MET: variants seen among roughly 807,000 people sequenced by gnomAD.
MET encodes hepatocyte growth factor receptor.
In MET, 48 loss-of-function variants were observed where a neutral mutation model predicts 133.1. The ratio of observed to expected loss-of-function variants is 0.36; its 90% CI spans 0.29 to 0.46. The LOEUF (loss-of-function observed/expected upper bound fraction) is 0.46, where lower values mean the gene tolerates loss of function less well. Among genes scored for constraint, MET ranks in the 20% least tolerant of loss-of-function variants. MET has a pLI of 1.00. For synonymous variants in MET, 628 were observed against 616.5 expected (o/e 1.02, Z -0.28); for missense variants, 1,442 against 1,695.9 (o/e 0.85, Z 2.63).
intron 11 of MET, among the ~76,000 whole-genome samples, chr7:116,763,575 G>A (rs115208619): frequency 1.5e-4 from 23 of 152,194 alleles, no homozygotes; most frequent in African/African-American, 4.3e-4. Flanking sequence ...ACATTTCCCC[G>A]GACATGTTAC....
chr7:116,678,632 A>G (rs1264776318), intron 1 of MET, among the ~76,000 whole-genome samples: 1 of 152,236 alleles, frequency 6.6e-6, no homozygotes, highest in East Asian at 1.9e-4. Flanking sequence ...AGGCCTAATC[A>G]TGTGGGAAAG....
At chr7:116,787,403 T>C (rs1459925605) in intron 19 of MET, among the ~76,000 whole-genome samples, 2 of 152,172 alleles carry the variant, frequency 1.3e-5, no homozygotes, top group South Asian at 2.1e-4. Flanking sequence ...TTGGGGGATT[T>C]ATAATGAACA....
At position 116,787,245 on chromosome 7, in the gene MET, G is replaced by T. The variant is rs567639477; in HGVS notation, c.3798+3776G>T. On this transcript the variant is annotated intron_variant, in intron 19 of 20. Transcript: ENST00000397752. ...GTGACAGTGGCAGGTGAAGGCAAAA[G>T]ATAGGGAGAATTAACCCATCCTCCA... 4.6e-5 allele frequency among the ~76,000 whole-genome samples: 7 copies of T among 152,290 alleles called. No homozygotes were observed. The South Asian group carries it at 1.2e-3, about 27-fold the overall frequency.
intron 5 of MET, among the ~76,000 whole-genome samples, chr7:116,754,476 G>A (rs924616165): frequency 7.9e-5 from 12 of 152,054 alleles, no homozygotes; most frequent in South Asian, 2.1e-4. Flanking sequence ...TGGGCCCAAC[G>A]TGTTTCTACT....
At chr7:116,676,403 C>T (rs1796161428) in intron 1 of MET, among the ~76,000 whole-genome samples, 1 of 152,172 alleles carries the variant, frequency 6.6e-6, no homozygotes, top group Admixed American at 6.5e-5. Flanking sequence ...TTTAGTCATT[C>T]ATTCAGGACA....
At chr7:116,724,753 T>C (rs1047230756) in intron 2 of MET, 1 of 1,152,124 alleles carries the variant, frequency 8.7e-7, no homozygotes, top group Non-Finnish European at 1.2e-6. Flanking sequence ...ATCAATTCGC[T>C]CAACCTCTCC....
chr7:116,720,225 G>A (rs1240416935), intron 2 of MET, among the ~76,000 whole-genome samples: 4 of 145,108 alleles, frequency 2.8e-5, no homozygotes, highest in South Asian at 2.3e-4. Flanking sequence ...GGATTCCTAG[G>A]TATTTTATTC....
At chr7:116,698,839 T>A (rs1487559453) in intron 1 of MET, among the ~76,000 whole-genome samples, 1 of 152,232 alleles carries the variant, frequency 6.6e-6, no homozygotes, top group Non-Finnish European at 1.5e-5. Context: ...TGCATCTCAA[T>A]GGTTCTCTAA....
chr7:116,673,167 G>C (rs1796033523), intron 1 of MET, among the ~76,000 whole-genome samples: 1 of 152,196 alleles, frequency 6.6e-6, no homozygotes, highest in South Asian at 2.1e-4. Context: ...GATGTGGCCA[G>C]TCGTAGTGCT....
At position 116,721,930 on chromosome 7, in the gene MET, G is replaced by A. The variant is rs1225146848; in HGVS notation, c.1201-9738G>A. ...GTATGTGGTCAATTTTGGAATAGGT[G>A]TGGTGTGGTGCTGAAAAAAATGTAT... On this transcript the variant is annotated intron_variant, in intron 2 of 20. Coordinates refer to ENST00000397752, the MANE Select transcript of MET (RefSeq NM_000245.4). 3.9e-5 allele frequency among the ~76,000 whole-genome samples: 6 copies of A among 151,946 alleles called. No homozygotes were observed. In the South Asian group the frequency reaches 1.0e-3, roughly 26 times the overall value.
intron 2 of MET, among the ~76,000 whole-genome samples, chr7:116,716,511 AAGAAAGAAAGAAAG>A (rs1453594722): frequency 1.3e-5 from 2 of 151,814 alleles, no homozygotes; most frequent in African/African-American, 2.4e-5. Context: ...GAAAGAAAGA[AAGAAAGAAAGAAAG>A]AAAGAAAGAA....
intron 15 of MET, 123 bp downstream of exon 15, chr7:116,775,234 G>A: frequency 2.3e-6 from 2 of 877,996 alleles, no homozygotes; most frequent in Non-Finnish European, 1.8e-6. Flanking sequence ...GATAACAAGT[G>A]TACTTGATTT....
At chr7:116,754,336 G>A (rs540633686) in intron 5 of MET, among the ~76,000 whole-genome samples, 46 of 152,304 alleles carry the variant, frequency 3.0e-4, no homozygotes, top group Admixed American at 9.8e-4. Context: ...TGTAGTGCAC[G>A]CAGCCAGTGC....
chr7:116,772,438 T>C (rs909407453), intron 14 of MET, among the ~76,000 whole-genome samples: 1 of 152,178 alleles, frequency 6.6e-6, no homozygotes, highest in African/African-American at 2.4e-5. Context: ...TACACAGCCT[T>C]TTTCCCACCA....
At chr7:116,764,629 A>T (rs556734218) in intron 11 of MET, among the ~76,000 whole-genome samples, 6 of 152,274 alleles carry the variant, frequency 3.9e-5, no homozygotes, top group African/African-American at 1.4e-4. Flanking sequence ...TTCTCTTTCC[A>T]TAAATTAAAT....
Position 116,699,902 on chromosome 7 carries a change from C to A in MET, c.818C>A (p.Thr273Asn), listed in dbSNP as rs368144654. The A allele has an allele frequency of 4.0e-5, 64 of 1,613,966 alleles. No homozygotes were observed. Among genetic ancestry groups the A allele is most frequent in the Non-Finnish European group, 5.3e-5 (62 of 1,179,978 alleles). The stretch of plus-strand genomic sequence containing the variant: ...CAAAGGGAAACTCTAGATGCTCAGA[C>A]TTTTCACACAAGAATAATCAGGTTC... ...TVQRETLDAQTFHTRIIRFCS... is the reference protein window; with the variant it reads ...TVQRETLDAQNFHTRIIRFCS... The change falls in exon 2 of 21, where the codon ACT becomes AAT. Residue 273 changes from threonine (T) to asparagine (N), a missense_variant. By Grantham distance (65) the Thr-to-Asn change is moderately conservative (BLOSUM62 0). Coordinates refer to ENST00000397752, the MANE Select transcript of MET (RefSeq NM_000245.4).
chr7:116,757,854 G>T, intron 8 of MET, 80 bp downstream of exon 8: 1 of 1,471,140 alleles, frequency 6.8e-7, no homozygotes, highest in Non-Finnish European at 9.5e-7. Context: ...ATTGTTTTGT[G>T]TGTGTGTGTG....
At chr7:116,793,759 C>T (rs1176573271) in intron 19 of MET, among the ~76,000 whole-genome samples, 2 of 151,848 alleles carry the variant, frequency 1.3e-5, no homozygotes, top group African/African-American at 4.8e-5. Context: ...ATTAGCCTGG[C>T]ATGGTGGCAG....
At chr7:116,766,143 T>G (rs1411813755) in intron 11 of MET, among the ~76,000 whole-genome samples, 4 of 152,206 alleles carry the variant, frequency 2.6e-5, no homozygotes, top group Non-Finnish European at 5.9e-5. Flanking sequence ...TCTCCCTGAG[T>G]GTCTTATTTC....
Sources: allele counts gnomAD v4.1 joint callset (sites outside exome capture counted in the v4.1 genomes callset), GRCh38; gene constraint gnomAD v4.1.1; transcripts MANE v1.5; gene names NCBI Gene and HGNC (gene_info 2026-07-23, HGNC 2026-07-21).